The following EPHB1 variants were observed in gnomAD, a reference collection of about 807,000 sequenced individuals.
EPHB1 encodes EPH receptor B1.
EPHB1 carries 30 observed loss-of-function variants against 94.4 expected under a neutral mutation model. That is an observed-to-expected ratio of 0.32 (90% CI 0.24 to 0.43). The LOEUF is 0.43. Ranked by LOEUF, EPHB1 falls within the 20% of genes least tolerant of loss-of-function variation. The pLI is 1.00. For missense variants in EPHB1, 1,055 were observed against 1,308.3 expected (o/e 0.81, Z 2.99); for synonymous variants, 522 against 489.1 (o/e 1.07, Z -0.89).
rs2037770071 is a variant in EPHB1 at position 134,882,765 on chromosome 3, C to CCTTTCTTTCTTTCTTCTTTCTTT, written c.59-43036_59-43035insCTTTCTTTCTTTCTTTCTTTCTT. Among the ~76,000 whole-genome samples, 13 of 79,930 alleles carry CCTTTCTTTCTTTCTTCTTTCTTT rather than the reference C, an allele frequency of 1.6e-4. No individual in the cohort carries two copies. The South Asian group carries it at 2.0e-3, about 12-fold the overall frequency. The allele number at this position is 79,930 out of a possible 152,430, so 52.4% of individuals were successfully genotyped here. A position where few individuals can be genotyped will look rare whatever the true frequency, so the allele number is the denominator to read the frequency against. On this transcript the variant is annotated intron_variant, in intron 1 of 15. Transcript: ENST00000398015. ...TTCTTTCTTCCTTTCTTCCTTCCTT[C>CCTTTCTTTCTTTCTTCTTTCTTT]CTTTCTTTCTTTCTTTCTTTCTTTC...
intron 3 of EPHB1, among the ~76,000 whole-genome samples, chr3:135,048,334 A>G (rs529154266): frequency 1.5e-5 from 2 of 135,538 alleles, no homozygotes; most frequent in East Asian, 4.3e-4. Context: ...CATCACCAAC[A>G]TCATGGCTTA....
chr3:134,898,857 G>A (rs960246356), intron 1 of EPHB1, among the ~76,000 whole-genome samples: 2 of 152,140 alleles, frequency 1.3e-5, no homozygotes, highest in African/African-American at 4.8e-5. Context: ...AATGAAGTTT[G>A]TGCAGTGCTG....
chr3:135,180,834 T>A (rs1384564450), intron 10 of EPHB1, among the ~76,000 whole-genome samples: 1 of 152,248 alleles, frequency 6.6e-6, no homozygotes, highest in East Asian at 1.9e-4. Flanking sequence ...AAATTTGTTT[T>A]ATTTTCTTCT....
intron 12 of EPHB1, among the ~76,000 whole-genome samples, chr3:135,222,977 A>T (rs994014957): frequency 7.9e-5 from 12 of 152,198 alleles, no homozygotes; most frequent in African/African-American, 2.7e-4. Flanking sequence ...GCAGAGTATG[A>T]GGTTTTACTA....
At chr3:134,939,020 A>G (rs901556426) in intron 2 of EPHB1, among the ~76,000 whole-genome samples, 3 of 152,188 alleles carry the variant, frequency 2.0e-5, no homozygotes, top group African/African-American at 2.4e-5. Context: ...CCTCCTTCCT[A>G]GCAATCTGAA....
At chr3:134,941,059 T>C (rs1408631514) in intron 2 of EPHB1, among the ~76,000 whole-genome samples, 2 of 152,246 alleles carry the variant, frequency 1.3e-5, no homozygotes, top group East Asian at 3.8e-4. Context: ...AGCCAGGCCC[T>C]GTAGAAATGG....
intron 3 of EPHB1, among the ~76,000 whole-genome samples, chr3:134,953,387 T>G (rs546485407): frequency 6.6e-6 from 1 of 152,378 alleles, no homozygotes; most frequent in East Asian, 1.9e-4. Context: ...CTGGTACCCA[T>G]GACGGATTGT....
At chr3:134,952,312 A>G (rs929548027) in intron 3 of EPHB1, among the ~76,000 whole-genome samples, 2 of 152,034 alleles carry the variant, frequency 1.3e-5, no homozygotes, top group African/African-American at 2.4e-5. Flanking sequence ...TAACCAGTCC[A>G]TAATATTTAG....
chr3:135,195,053 G>T (rs1038185170), intron 11 of EPHB1, among the ~76,000 whole-genome samples: 1 of 152,140 alleles, frequency 6.6e-6, no homozygotes, highest in East Asian at 1.9e-4. Flanking sequence ...AAACAAAGTT[G>T]AATGAAGTTG....
intron 2 of EPHB1, among the ~76,000 whole-genome samples, chr3:134,933,859 G>C (rs1302498781): frequency 2.0e-5 from 3 of 152,118 alleles, no homozygotes; most frequent in Non-Finnish European, 4.4e-5. Context: ...GTCTGCAAAA[G>C]GTTTTCTTTT....
chr3:135,252,370 C>A (rs1445225120), intron 15 of EPHB1, among the ~76,000 whole-genome samples: 1 of 112,910 alleles, frequency 8.9e-6, no homozygotes, highest in African/African-American at 3.4e-5. Context: ...CCCCCCTCCC[C>A]CCACCCCACC....
At chr3:135,223,017 G>A (rs1943310862) in intron 12 of EPHB1, among the ~76,000 whole-genome samples, 1 of 152,180 alleles carries the variant, frequency 6.6e-6, no homozygotes, top group Non-Finnish European at 1.5e-5. Context: ...TAGCAGAAAT[G>A]CCTGTATTAG....
intron 12 of EPHB1, among the ~76,000 whole-genome samples, chr3:135,220,372 CT>C (rs1943247231): frequency 6.6e-6 from 1 of 152,166 alleles, no homozygotes; most frequent in Non-Finnish European, 1.5e-5. Flanking sequence ...CAAGTAAGCT[CT>C]TTCTCTGTGA....
At chr3:135,174,660 A>G (rs763323884) in intron 9 of EPHB1, among the ~76,000 whole-genome samples, 14 of 152,196 alleles carry the variant, frequency 9.2e-5, no homozygotes, top group Non-Finnish European at 1.3e-4. Context: ...AGTCCTGATT[A>G]GTGTTGAGGA....
chr3:134,903,900 C>T (rs1303482258), intron 1 of EPHB1, among the ~76,000 whole-genome samples: 1 of 152,192 alleles, frequency 6.6e-6, no homozygotes, highest in Non-Finnish European at 1.5e-5. Flanking sequence ...GCCAGATGTG[C>T]CCACGAAGGA....
At chr3:135,087,415 A>G (rs1441354501) in intron 3 of EPHB1, among the ~76,000 whole-genome samples, 3 of 152,212 alleles carry the variant, frequency 2.0e-5, no homozygotes, top group Non-Finnish European at 4.4e-5. Flanking sequence ...ACATGTGGAA[A>G]TGGTAAAGGG....
chr3:134,973,067 A>C (rs1344681338), intron 3 of EPHB1, among the ~76,000 whole-genome samples: 3 of 152,196 alleles, frequency 2.0e-5, no homozygotes, highest in Non-Finnish European at 2.9e-5. Flanking sequence ...AAGGCATTGG[A>C]GTCTGATTCA....
chr3:135,148,614 A>G (rs1211954022), intron 5 of EPHB1, among the ~76,000 whole-genome samples: 1 of 152,210 alleles, frequency 6.6e-6, no homozygotes, highest in African/African-American at 2.4e-5. Flanking sequence ...CTCTTTCACA[A>G]CTTGCAGCTA....
intron 4 of EPHB1, among the ~76,000 whole-genome samples, chr3:135,111,957 C>T (rs1015682016): frequency 2.6e-5 from 4 of 152,216 alleles, no homozygotes; most frequent in African/African-American, 7.2e-5. Flanking sequence ...GGATTATAGG[C>T]GTGAGCCACC....
Sources: gnomAD v4.1 joint callset for allele counts (sites outside exome capture counted in the v4.1 genomes callset) on GRCh38, gnomAD v4.1.1 for gene constraint, MANE v1.5 for transcripts, NCBI Gene and HGNC (gene_info 2026-07-23, HGNC 2026-07-21) for gene names.